Variants in SFXN5 observed in about 807,000 individuals in gnomAD.
SFXN5 encodes the protein sideroflexin-5.
In SFXN5, 43 loss-of-function variants were observed where a neutral mutation model predicts 50.2. That is an observed-to-expected ratio of 0.86 (90% CI 0.67 to 1.11). The LOEUF (loss-of-function observed/expected upper bound fraction) is 1.11. SFXN5 is among the 50% of genes least tolerant of loss of function. The probability of loss-of-function intolerance (pLI) is 0.00; values close to 1 mark genes in which losing one functional copy is unlikely to be tolerated. For synonymous variants in SFXN5, 203 were observed against 185.8 expected, an observed-to-expected ratio of 1.09 and a Z score of -0.75; for missense variants, 463 against 454.1, an observed-to-expected ratio of 1.02 and a Z score of -0.18.
intron 10 of SFXN5, among the ~76,000 whole-genome samples, chr2:72,979,770 A>C (rs761060581): frequency 7.9e-5 from 12 of 152,222 alleles, no homozygotes; most frequent in Non-Finnish European, 1.6e-4. Context: ...CAGTTTACAG[A>C]ATAGTATATA....
chr2:73,040,876 C>A lies in SFXN5; in HGVS notation c.227G>T (p.Arg76Leu). 3.7e-6 allele frequency: 6 copies of A among 1,612,794 alleles called. No homozygotes were observed. Among genetic ancestry groups the A allele is most frequent in the Non-Finnish European group, 5.1e-6 (6 of 1,179,512 alleles). Residue 76 changes from arginine (R) to leucine (L), a missense_variant, in exon 3 of 14, where the codon CGC becomes CTC. By Grantham distance (102) the Arg-to-Leu change is moderately radical. Transcript: ENST00000272433. ...TACCTGTTCATTGGTGACCCCCGGG[C>A]GCAGGGTCCCATGCTTATAGTCCTC... ...LLEDYKHGTL[R>L]PGVTNEQLWS...
chr2:73,011,507 G>A (rs147377471), intron 6 of SFXN5, among the ~76,000 whole-genome samples: 11 of 152,240 alleles, frequency 7.2e-5, no homozygotes, highest in East Asian at 5.8e-4. Flanking sequence ...GAGAAGAGAC[G>A]TGCCATATAT....
intron 2 of SFXN5, among the ~76,000 whole-genome samples, chr2:73,056,386 A>G (rs1488520626): frequency 1.3e-5 from 2 of 151,648 alleles, no homozygotes; most frequent in Non-Finnish European, 2.9e-5. Flanking sequence ...CTGTCTCAAA[A>G]AAAAAAAAGT....
intron 1 of SFXN5, among the ~76,000 whole-genome samples, chr2:73,064,621 C>G (rs992451255): frequency 1.3e-5 from 2 of 152,188 alleles, no homozygotes; most frequent in African/African-American, 4.8e-5. Flanking sequence ...CCACACAAAT[C>G]TCCCAACCTT....
chr2:73,067,379 C>T (rs1683253604), intron 1 of SFXN5, among the ~76,000 whole-genome samples: 3 of 152,010 alleles, frequency 2.0e-5, no homozygotes, highest in Admixed American at 6.5e-5. Context: ...AGAAAGGAGA[C>T]ATTAGTGTAA....
At chr2:72,983,217 G>A (rs1409402867) in intron 10 of SFXN5, among the ~76,000 whole-genome samples, 2 of 152,214 alleles carry the variant, frequency 1.3e-5, no homozygotes, top group Non-Finnish European at 2.9e-5. Context: ...TTGGGGAGAA[G>A]GGGGCATGGA....
In SFXN5 at chr2:72,944,890, G is replaced by A. The variant is rs73945644; in HGVS notation, c.*132C>T. 3.4e-3 allele frequency: 2,453 copies of A among 719,314 alleles called. 44 individuals are homozygous for A. The African/African-American group carries it at 0.04, about 12-fold the overall frequency. 44.6% of individuals were successfully genotyped at this position (719,314 alleles called of 1,614,324 possible). On this transcript the variant is annotated 3_prime_UTR_variant, in exon 14 of 14. Coordinates refer to ENST00000272433, the MANE Select transcript of SFXN5 (RefSeq NM_144579.3). Reference sequence around the variant, plus strand: ...GGTCAGTCTCCCTCCACTGTAGGTTGAGCACTCTCCCAGGGGGCCCAGGAC... The same window carrying A: ...GGTCAGTCTCCCTCCACTGTAGGTTAAGCACTCTCCCAGGGGGCCCAGGAC...
intron 1 of SFXN5, among the ~76,000 whole-genome samples, chr2:73,060,887 G>A (rs1682732254): frequency 6.6e-6 from 1 of 151,834 alleles, no homozygotes; most frequent in Non-Finnish European, 1.5e-5. Context: ...ATTTTTAGTT[G>A]AGACAGGGTT....
At chr2:72,963,913 G>A (rs1674061172) in intron 12 of SFXN5, among the ~76,000 whole-genome samples, 1 of 152,178 alleles carries the variant, frequency 6.6e-6, no homozygotes, top group Non-Finnish European at 1.5e-5. Flanking sequence ...GGAGGGTGGT[G>A]GAGAGGGAAG....
chr2:73,061,760 TA>T (rs141529892), intron 1 of SFXN5, among the ~76,000 whole-genome samples: 9,171 of 152,158 alleles, frequency 0.06, 771 homozygotes, highest in African/African-American at 0.19. Flanking sequence ...CTTTTGAAAT[TA>T]AAAAAATCAA....
intron 3 of SFXN5, among the ~76,000 whole-genome samples, chr2:73,024,931 A>T (rs887552749): frequency 1.1e-4 from 17 of 152,208 alleles, no homozygotes; most frequent in African/African-American, 4.1e-4. Context: ...GAGTCCCTCA[A>T]ACCTTACTTC....
intron 13 of SFXN5, among the ~76,000 whole-genome samples, chr2:72,949,833 T>C (rs557123936): frequency 1.5e-4 from 23 of 151,668 alleles, no homozygotes; most frequent in Admixed American, 9.9e-4. Context: ...GAGGGAGGTG[T>C]TGAGGATGAC....
At chr2:73,012,480 T>C (rs971159737) in intron 6 of SFXN5, among the ~76,000 whole-genome samples, 1 of 151,524 alleles carries the variant, frequency 6.6e-6, no homozygotes, top group Non-Finnish European at 1.5e-5. Flanking sequence ...AGAAAAAATA[T>C]CAAACGATTC....
intron 13 of SFXN5, among the ~76,000 whole-genome samples, chr2:72,951,787 G>A (rs917692412): frequency 6.3e-4 from 96 of 152,348 alleles, no homozygotes; most frequent in African/African-American, 2.2e-3. Context: ...CCTGGGCAGA[G>A]GTCTGGGCTT....
chr2:72,966,123 G>A (rs951083163), intron 12 of SFXN5, among the ~76,000 whole-genome samples: 2 of 152,188 alleles, frequency 1.3e-5, no homozygotes, highest in African/African-American at 4.8e-5. Context: ...GTGGGTGGAC[G>A]AGACTCCATC....
intron 6 of SFXN5, among the ~76,000 whole-genome samples, chr2:73,006,431 G>A (rs1453786902): frequency 6.6e-6 from 1 of 152,160 alleles, no homozygotes; most frequent in Non-Finnish European, 1.5e-5. Flanking sequence ...AGACCAGCCT[G>A]GCCAACGTGG....
chr2:72,972,730 C>T (rs1282257553), intron 10 of SFXN5, among the ~76,000 whole-genome samples: 1 of 152,210 alleles, frequency 6.6e-6, no homozygotes, highest in African/African-American at 2.4e-5. Context: ...CAGAGTCTGC[C>T]TGCTTCACTC....
At chr2:73,047,283 T>TATATATATATATATACACAC (rs1325442108) in intron 2 of SFXN5, among the ~76,000 whole-genome samples, 1 of 73,602 alleles carries the variant, frequency 1.4e-5, no homozygotes, top group Non-Finnish European at 2.6e-5. Context: ...TATACACACA[T>TATATATATATATATACACAC]ATATATATAT....
At chr2:72,951,053 T>A (rs1202976644) in intron 13 of SFXN5, among the ~76,000 whole-genome samples, 1 of 151,212 alleles carries the variant, frequency 6.6e-6, no homozygotes, top group East Asian at 2.0e-4. Context: ...GGAGGGGGTG[T>A]CTGGGATGGA....
Sources: gnomAD v4.1 joint callset for allele counts (sites outside exome capture counted in the v4.1 genomes callset) on GRCh38, gnomAD v4.1.1 for gene constraint, MANE v1.5 for transcripts, NCBI Gene and HGNC (gene_info 2026-07-23, HGNC 2026-07-21) for gene names.